PCBP3: variants seen among roughly 807,000 people sequenced by gnomAD.
The protein encoded by PCBP3 is poly(rC) binding protein 3.
In PCBP3, 25 loss-of-function variants were observed where a neutral mutation model predicts 52.7. The ratio of observed to expected loss-of-function variants is 0.47; its 90% CI spans 0.35 to 0.66. The LOEUF (loss-of-function observed/expected upper bound fraction) is 0.66. Among genes scored for constraint, PCBP3 ranks in the 30% least tolerant of loss-of-function variants. PCBP3 has a pLI of 0.01. For missense variants in PCBP3, 391 were observed against 490.3 expected (o/e 0.80, Z 1.91); for synonymous variants, 162 against 183.0 (o/e 0.89, Z 0.93).
rs1162640191 is a variant in PCBP3, at chr21:45,704,885, G to A, written c.-199-30507G>A. Among the ~76,000 whole-genome samples, 2 of 152,182 alleles carry A rather than the reference G, an allele frequency of 1.3e-5. No homozygotes were observed. The highest frequency in any genetic ancestry group is 2.1e-4 in the South Asian group (1 of 4,828). On this transcript the variant is annotated intron_variant, in intron 2 of 17. Coordinates refer to ENST00000681687, the MANE Select transcript of PCBP3 (RefSeq NM_001384156.1). The surrounding 1 kb of genome is among the most constrained non-coding windows in gnomAD (Gnocchi z 4.1). Reference sequence around the variant, plus strand: ...GCTGCTGTCTGCTGAATACATGATGGCAGTTGATTCTGGAGATAACCAAAT... The same window carrying A: ...GCTGCTGTCTGCTGAATACATGATGACAGTTGATTCTGGAGATAACCAAAT...
chr21:45,761,532 A>G (rs2088659184), intron 4 of PCBP3: 2 of 152,226 alleles, frequency 1.3e-5, no homozygotes, highest in South Asian at 2.1e-4. Context: ...GTCACCTTGG[A>G]CGTGTAAACT....
At chr21:45,720,700 T>G (rs917357432) in intron 2 of PCBP3, among the ~76,000 whole-genome samples, 1 of 152,214 alleles carries the variant, frequency 6.6e-6, no homozygotes, top group East Asian at 1.9e-4. Context: ...CCTTTACTCT[T>G]GTAGGGTTGC....
In PCBP3 at chr21:45,911,243, G is replaced by C. The variant is rs577514909; in HGVS notation, c.600+213G>C. ...CCAGCTCAGGGTCCAGTGTCTTCGT[G>C]GGGGCGTCTAGGGGAGAGCATGTGG... On this transcript the variant is annotated intron_variant, in intron 11 of 17. Coordinates refer to ENST00000681687, the MANE Select transcript of PCBP3 (RefSeq NM_001384156.1). 4.0e-5 allele frequency: 26 copies of C among 653,968 alleles called. No homozygotes were observed. In the African/African-American group the frequency reaches 4.1e-4, roughly 10 times the overall value. The allele number at this position is 653,968 out of a possible 1,614,324, so 40.5% of individuals were successfully genotyped here. A position where few individuals can be genotyped will look rare whatever the true frequency, so the allele number is the denominator to read the frequency against.
rs1442712605 is a variant in PCBP3, at chr21:45,668,905, C to CTT, written c.-244_-243dup. On this transcript the variant is annotated 5_prime_UTR_variant, in exon 2 of 18. Transcript: ENST00000681687. Reference sequence around the variant, plus strand: ...GGAGATATATTTCCACAGCATCTGGCTTTTCTTGTTCCTGTTCTGAAGTAA... The same window carrying CTT: ...GGAGATATATTTCCACAGCATCTGGCTTTTTTCTTGTTCCTGTTCTGAAGTAA... 2 of 152,062 alleles carry CTT rather than the reference C, an allele frequency of 1.3e-5. No individual in the cohort carries two copies. 9.4% of individuals were successfully genotyped at this position (152,062 alleles called of 1,614,324 possible).
intron 2 of PCBP3, among the ~76,000 whole-genome samples, chr21:45,732,346 T>A (rs2085516635): frequency 6.6e-6 from 1 of 152,044 alleles, no homozygotes. Context: ...AAAATACAGA[T>A]AATAAAAAGG....
chr21:45,931,055 C>T (rs539180049), intron 15 of PCBP3, among the ~76,000 whole-genome samples: 20 of 152,294 alleles, frequency 1.3e-4, no homozygotes, highest in African/African-American at 4.1e-4. Context: ...CAGGGCACCC[C>T]GGCCATGGGA....
rs911971402 is a variant in PCBP3, at chr21:45,656,558, G to A, written c.-278-12316G>A. Among the ~76,000 whole-genome samples the A allele has an allele frequency of 1.3e-5, 2 of 151,996 alleles. No homozygotes were observed. The highest frequency in any genetic ancestry group is 2.9e-5 in the Non-Finnish European group (2 of 68,012). The stretch of plus-strand genomic sequence containing the variant: ...CCTAATGTAGATGACGGGTTGATGG[G>A]TGCAGCAAACCACCGTGGCATGTGT... On this transcript the variant is annotated intron_variant, in intron 1 of 17. Coordinates refer to ENST00000681687, the MANE Select transcript of PCBP3 (RefSeq NM_001384156.1). This position sits in a 1 kb window ranked among gnomAD's most constrained non-coding sequence, Gnocchi z 4.3.
chr21:45,891,799 A>G (rs2148938346), intron 5 of PCBP3, among the ~76,000 whole-genome samples: 1 of 152,350 alleles, frequency 6.6e-6, no homozygotes, highest in South Asian at 2.1e-4. Context: ...GGGCCATCAG[A>G]GCTCTCTCTG....
chr21:45,696,809 A>G (rs955809542), intron 2 of PCBP3, among the ~76,000 whole-genome samples: 1 of 151,886 alleles, frequency 6.6e-6, no homozygotes, highest in Non-Finnish European at 1.5e-5. Context: ...AAAAAAGGCA[A>G]CCAACAAAAA....
intron 2 of PCBP3, among the ~76,000 whole-genome samples, chr21:45,729,732 C>A (rs2085317840): frequency 6.6e-6 from 1 of 151,942 alleles, no homozygotes; most frequent in African/African-American, 2.4e-5. Context: ...AGATATTTAT[C>A]AATATTATGT....
chr21:45,720,742 C>G (rs956103225), intron 2 of PCBP3, among the ~76,000 whole-genome samples: 12 of 152,228 alleles, frequency 7.9e-5, no homozygotes, highest in Non-Finnish European at 1.5e-4. Flanking sequence ...TCTTACCTCT[C>G]TGGTGCAGAT....
At chr21:45,657,873 C>A (rs187336550) in intron 1 of PCBP3, among the ~76,000 whole-genome samples, 125 of 152,206 alleles carry the variant, frequency 8.2e-4, no homozygotes, top group African/African-American at 2.9e-3. Flanking sequence ...ACTTTTAATT[C>A]TTTGCTTCTA....
intron 2 of PCBP3, among the ~76,000 whole-genome samples, chr21:45,675,710 C>A (rs150327284): frequency 1.1e-4 from 16 of 152,272 alleles, no homozygotes; most frequent in African/African-American, 3.9e-4. Flanking sequence ...CCCTGGAAAC[C>A]TTTCAGGGGG....
intron 4 of PCBP3, among the ~76,000 whole-genome samples, chr21:45,784,514 G>A (rs547553249): frequency 1.1e-4 from 17 of 152,106 alleles, no homozygotes; most frequent in East Asian, 5.8e-4. Context: ...ATGCCGAGCC[G>A]AAGCTGGACT....
intron 4 of PCBP3, among the ~76,000 whole-genome samples, chr21:45,823,753 T>A (rs1007392295): frequency 6.6e-6 from 1 of 152,102 alleles, no homozygotes; most frequent in African/African-American, 2.4e-5. Context: ...TTTTATTTAT[T>A]TATTTTGAGA....
intron 3 of PCBP3, among the ~76,000 whole-genome samples, chr21:45,748,836 A>C (rs1283127898): frequency 1.3e-5 from 2 of 152,194 alleles, no homozygotes; most frequent in African/African-American, 4.8e-5. Flanking sequence ...ACTAGCTGAG[A>C]ATCCAGAGAC....
At chr21:45,930,641 C>A (rs1361431098) in intron 14 of PCBP3, 145 bp from the exon 15 acceptor site, 10 of 549,368 alleles carry the variant, frequency 1.8e-5, no homozygotes, top group Non-Finnish European at 3.0e-5. Flanking sequence ...TGTCCCTCCC[C>A]ACAGAGGCAG....
chr21:45,890,333 T>G (rs1188038911), intron 5 of PCBP3, among the ~76,000 whole-genome samples: 1 of 152,214 alleles, frequency 6.6e-6, no homozygotes, highest in Non-Finnish European at 1.5e-5. Flanking sequence ...TAACAGAACC[T>G]GGAACTCGGT....
Position 45,850,032 on chromosome 21 carries a change from A to G in PCBP3, c.-54A>G. 2 of 1,507,402 alleles carry G rather than the reference A, an allele frequency of 1.3e-6. No homozygotes were observed. Among genetic ancestry groups the G allele is most frequent in the South Asian group, 2.4e-5 (2 of 83,174 alleles). The allele number at this position is 1,507,402 out of a possible 1,614,324, so 93.4% of individuals were successfully genotyped here. A position where few individuals can be genotyped will look rare whatever the true frequency, so the allele number is the denominator to read the frequency against. On this transcript the variant is annotated 5_prime_UTR_variant, in exon 5 of 18. Coordinates refer to ENST00000681687, the MANE Select transcript of PCBP3 (RefSeq NM_001384156.1). Reference sequence around the variant, plus strand: ...CTGTGGTTATGATGCTCTGAGTTCAATACGTCTGAACCTTTGCTGTCTATG... The same window carrying G: ...CTGTGGTTATGATGCTCTGAGTTCAGTACGTCTGAACCTTTGCTGTCTATG...
Sources: allele counts gnomAD v4.1 joint callset (sites outside exome capture counted in the v4.1 genomes callset), GRCh38; gene constraint gnomAD v4.1.1; non-coding constraint Gnocchi (gnomAD v3.1); transcripts MANE v1.5; gene names NCBI Gene and HGNC (gene_info 2026-07-23, HGNC 2026-07-21).